The following ZNF157 variants were observed in gnomAD, a reference collection of about 807,000 sequenced individuals.
The protein encoded by ZNF157 is zinc finger protein 157, also known as zinc finger protein 22.
Under a neutral mutation model 9.4 loss-of-function variants are expected in ZNF157, and 8 were observed. The observed-to-expected ratio is 0.85, with a 90% CI of 0.50 to 1.53. The LOEUF is 1.53. ZNF157 is among the 40% of genes most tolerant of loss of function. The probability of loss-of-function intolerance (pLI) is 0.00; values close to 1 mark genes in which losing one functional copy is unlikely to be tolerated. For synonymous variants in ZNF157, 120 were observed against 130.8 expected (o/e 0.92, Z 0.56); for missense variants, 316 against 385.2 (o/e 0.82, Z 1.50).
chrX:47,389,317 T>C (rs2055889944), intron 1 of ZNF157, among the ~76,000 whole-genome samples: 1 of 109,191 alleles, frequency 9.2e-6, no homozygotes, highest in Non-Finnish European at 1.9e-5. Context: ...GCGATTCTCC[T>C]GCCTCAGCCT....
At chrX:47,403,880 TAAA>T (rs1430792424) in intron 1 of ZNF157, among the ~76,000 whole-genome samples, 1 of 111,224 alleles carries the variant, frequency 9.0e-6, no homozygotes, top group Non-Finnish European at 1.9e-5. Flanking sequence ...ATAAAAGACA[TAAA>T]AAGTTGCCGG....
chrX:47,393,201 C>T (rs904874103), intron 1 of ZNF157, among the ~76,000 whole-genome samples: 37 of 111,177 alleles, frequency 3.3e-4, no homozygotes, highest in African/African-American at 1.2e-3. Flanking sequence ...GCCTCTGCCT[C>T]GCCCATGCCT....
intron 1 of ZNF157, chrX:47,391,256 A>G (rs2055896343): frequency 8.9e-6 from 1 of 111,991 alleles, no homozygotes; most frequent in African/African-American, 3.2e-5. Context: ...ACTGGGTTCA[A>G]ATGAGGGATG....
chrX:47,400,661 CTTCT>C (rs1365085223), intron 1 of ZNF157, among the ~76,000 whole-genome samples: 3 of 111,177 alleles, frequency 2.7e-5, no homozygotes, highest in Non-Finnish European at 5.7e-5. Flanking sequence ...TTTCTTTTCT[CTTCT>C]TTCTTTTTCA....
intron 1 of ZNF157, among the ~76,000 whole-genome samples, chrX:47,400,237 T>TCTGC (rs2055926766): frequency 9.1e-6 from 1 of 110,437 alleles, no homozygotes; most frequent in African/African-American, 3.3e-5. Context: ...CCTCAGGTGA[T>TCTGC]CTGCCTGCCT....
chrX:47,404,529 G>A (rs2055941040), intron 1 of ZNF157, among the ~76,000 whole-genome samples: 1 of 110,504 alleles, frequency 9.0e-6, no homozygotes, highest in African/African-American at 3.3e-5. Flanking sequence ...GGAAATTTTA[G>A]AAATTAAAAA....
intron 1 of ZNF157, among the ~76,000 whole-genome samples, chrX:47,400,066 G>A (rs1205880631): frequency 9.7e-6 from 1 of 103,377 alleles, no homozygotes; most frequent in Non-Finnish European, 2.0e-5. Flanking sequence ...GCGCAATTTC[G>A]GCTCACCACA....
chrX:47,398,238 C>T (rs1391190995), intron 1 of ZNF157, among the ~76,000 whole-genome samples: 1 of 111,348 alleles, frequency 9.0e-6, no homozygotes, highest in African/African-American at 3.3e-5. Flanking sequence ...TATTCAGACT[C>T]CTGCAGGACA....
At chrX:47,399,254 G>T (rs190101153) in intron 1 of ZNF157, among the ~76,000 whole-genome samples, 2 of 111,474 alleles carry the variant, frequency 1.8e-5, no homozygotes, top group Non-Finnish European at 3.8e-5. Flanking sequence ...AAACTCATGG[G>T]GTATCTCAAC....
At chrX:47,380,484 C>T (rs1324183888) in intron 1 of ZNF157, among the ~76,000 whole-genome samples, 1 of 111,329 alleles carries the variant, frequency 9.0e-6, no homozygotes, top group East Asian at 2.8e-4. Flanking sequence ...GGGCCGCATG[C>T]GCATTGTGGT....
Position 47,412,422 on chromosome X carries a change from C to T in ZNF157, c.349C>T (p.His117Tyr). ...NGSVGDNALR[H>Y]DNDLLHHQKI... ...TTCTGTTGGGGATAATGCCCTCAGG[C>T]ATGATAATGACCTTCTTCACCATCA... The change falls in exon 4 of 4, where the codon CAT becomes TAT. Residue 117 changes from histidine (H) to tyrosine (Y), a missense_variant. Transcript: ENST00000377073. The T allele has an allele frequency of 8.3e-7, 1 of 1,210,871 alleles. No homozygotes were observed. The highest frequency in any genetic ancestry group is 1.1e-6 in the Non-Finnish European group (1 of 894,691).
Position 47,398,991 on chromosome X carries a change from G to A in ZNF157, c.73-11285G>A, listed in dbSNP as rs367691714. On this transcript the variant is annotated intron_variant, in intron 1 of 3. Transcript: ENST00000377073. ...CTGGCCTGTATTTTTTAGTAGAGAC[G>A]GGGTTTCGCCATGTTGGCCAGGCTG... 5.7e-4 allele frequency among the ~76,000 whole-genome samples: 62 copies of A among 109,456 alleles called. 1 individual carries two copies. In the South Asian group the frequency reaches 0.022, roughly 40 times the overall value.
rs61736399 is a variant in ZNF157, at chrX:47,413,081, G to A, written c.1008G>A (p.Gly336=). The A allele has an allele frequency of 2.4e-3, 2,895 of 1,209,235 alleles. 31 individuals are homozygous for A. In the African/African-American group the frequency reaches 0.03, roughly 12 times the overall value. The change falls in exon 4 of 4, where the codon GGG becomes GGA. Residue 336 remains glycine (G), a synonymous_variant. Transcript: ENST00000377073. ...GEKPYECGEC[G]KFFRMKMTLN... ...AACCCTATGAGTGTGGTGAATGTGGGAAATTCTTCCGAATGAAGATGACTC... is the reference window on the plus strand; with the variant it reads ...AACCCTATGAGTGTGGTGAATGTGGAAAATTCTTCCGAATGAAGATGACTC...
chrX:47,395,700 C>A (rs745990403), intron 1 of ZNF157, among the ~76,000 whole-genome samples: 9 of 111,994 alleles, frequency 8.0e-5, no homozygotes, highest in Non-Finnish European at 1.3e-4. Context: ...AGTGGTGGCT[C>A]ACGCCTGTAA....
At chrX:47,371,070 C>A (rs1029295673) in intron 1 of ZNF157, among the ~76,000 whole-genome samples, 1 of 111,508 alleles carries the variant, frequency 9.0e-6, no homozygotes, top group Non-Finnish European at 1.9e-5. Context: ...GTGGCTCACG[C>A]CTGTCACCTG....
rs140663327 is a variant in ZNF157 at position 47,378,179 on chromosome X, G to A, written c.72+7439G>A. Among the ~76,000 whole-genome samples, 632 of 110,800 alleles carry A rather than the reference G, an allele frequency of 5.7e-3. 2 individuals are homozygous for A. The highest frequency in any genetic ancestry group is 0.02 in the African/African-American group (605 of 30,521). On this transcript the variant is annotated intron_variant, in intron 1 of 3. Transcript: ENST00000377073. Reference sequence around the variant, plus strand: ...GCCAGTGAGTTAGAAGTGCTGATTGGTCAGGTCATGGATCAAATCATAGGA... The same window carrying A: ...GCCAGTGAGTTAGAAGTGCTGATTGATCAGGTCATGGATCAAATCATAGGA...
chrX:47,410,481 G>A (rs1193145774), intron 2 of ZNF157, 79 bp downstream of exon 2: 4 of 1,126,244 alleles, frequency 3.6e-6, no homozygotes, highest in Non-Finnish European at 4.8e-6. Flanking sequence ...GCCTTGCGAG[G>A]GTTTAATGAT....
intron 1 of ZNF157, chrX:47,392,282 G>C: frequency 6.9e-6 from 1 of 144,105 alleles, no homozygotes; most frequent in South Asian, 2.0e-4. Context: ...TGTGTAGGCT[G>C]TTTATCATCA....
At chrX:47,376,649 C>A (rs1326063717) in intron 1 of ZNF157, among the ~76,000 whole-genome samples, 1 of 111,367 alleles carries the variant, frequency 9.0e-6, no homozygotes, top group Non-Finnish European at 1.9e-5. Context: ...CAACTGTCTT[C>A]CCAAGTTTTT....
Sources: allele counts gnomAD v4.1 joint callset (sites outside exome capture counted in the v4.1 genomes callset), GRCh38; gene constraint gnomAD v4.1.1; transcripts MANE v1.5; gene names NCBI Gene and HGNC (gene_info 2026-07-23, HGNC 2026-07-21).